The following OPCML variants were observed in gnomAD, a reference collection of about 807,000 sequenced individuals.
OPCML encodes opioid binding protein/cell adhesion molecule like.
A neutral mutation model predicts 37.8 loss-of-function variants in OPCML; 13 were observed. The observed-to-expected ratio is 0.34, with a 90% CI of 0.22 to 0.55. The LOEUF (loss-of-function observed/expected upper bound fraction) is 0.55, where lower values mean the gene tolerates loss of function less well. Ranked by LOEUF, OPCML falls within the 20% of genes least tolerant of loss-of-function variation. OPCML has a pLI of 0.91. For synonymous variants in OPCML, 176 were observed against 168.8 expected (o/e 1.04, Z -0.33); for missense variants, 341 against 435.6 (o/e 0.78, Z 1.93).
rs80196026 is a variant in OPCML, at chr11:133,413,674, T to A, written c.61+118590A>T. On this transcript the variant is annotated intron_variant, in intron 1 of 7. Coordinates refer to ENST00000524381, the MANE Select transcript of OPCML (RefSeq NM_001012393.5). The stretch of plus-strand genomic sequence containing the variant: ...AAACTGGGAAGTTTTAGCCTGCATG[T>A]CTTTCCCTCTCTTTGTCCTCCTTAA... 6.3e-3 allele frequency among the ~76,000 whole-genome samples: 954 copies of A among 152,276 alleles called. 6 individuals are homozygous for A. The highest frequency in any genetic ancestry group is 0.022 in the African/African-American group (919 of 41,564).
At chr11:132,658,559 T>A (rs1941814758) in intron 2 of OPCML, among the ~76,000 whole-genome samples, 1 of 152,172 alleles carries the variant, frequency 6.6e-6, no homozygotes, top group Admixed American at 6.5e-5. Context: ...GTCCTCTCCC[T>A]GGTTGGTAGG....
chr11:133,422,617 G>C, intron 1 of OPCML: 1 of 960,542 alleles, frequency 1.0e-6, no homozygotes, highest in Non-Finnish European at 1.2e-6. Context: ...GCAGCCTCCC[G>C]AGTAGTTGAG....
At chr11:133,062,298 C>G (rs998949396) in intron 1 of OPCML, among the ~76,000 whole-genome samples, 1 of 152,160 alleles carries the variant, frequency 6.6e-6, no homozygotes, top group African/African-American at 2.4e-5. Flanking sequence ...GAAAGGAAGT[C>G]CATGAATCCC....
At chr11:132,913,809 A>G (rs979054) in intron 2 of OPCML, among the ~76,000 whole-genome samples, 85,027 of 151,992 alleles carry the variant, frequency 0.56, 25,501 homozygotes, top group African/African-American at 0.78. Context: ...AAAAATCCAT[A>G]TCTGCTTTAG....
intron 1 of OPCML, among the ~76,000 whole-genome samples, chr11:133,159,152 G>A (rs1349561343): frequency 1.3e-5 from 2 of 152,194 alleles, no homozygotes; most frequent in African/African-American, 4.8e-5. Context: ...ATAAGATGCG[G>A]GGTTTTTAGA....
intron 1 of OPCML, among the ~76,000 whole-genome samples, chr11:133,213,462 A>G (rs1300848341): frequency 6.6e-6 from 1 of 152,226 alleles, no homozygotes; most frequent in Non-Finnish European, 1.5e-5. Context: ...CATTATTTCA[A>G]GTGTGACTGT....
At chr11:133,119,934 C>G (rs1949395662) in intron 1 of OPCML, among the ~76,000 whole-genome samples, 1 of 152,092 alleles carries the variant, frequency 6.6e-6, no homozygotes, top group South Asian at 2.1e-4. Flanking sequence ...GGGGCAGATG[C>G]AGGCTCTTCC....
chr11:132,958,241 T>G (rs1946011720), intron 1 of OPCML, among the ~76,000 whole-genome samples: 1 of 152,222 alleles, frequency 6.6e-6, no homozygotes, highest in South Asian at 2.1e-4. Flanking sequence ...GCCACAACAT[T>G]CTATTAAGCC....
At chr11:133,225,439 G>A (rs1940000433) in intron 1 of OPCML, among the ~76,000 whole-genome samples, 1 of 152,184 alleles carries the variant, frequency 6.6e-6, no homozygotes, top group Non-Finnish European at 1.5e-5. Context: ...CCTTCCAGCA[G>A]CTCGCTTCCC....
chr11:132,782,210 G>A (rs751534400), intron 2 of OPCML, among the ~76,000 whole-genome samples: 29 of 151,928 alleles, frequency 1.9e-4, no homozygotes, highest in Non-Finnish European at 3.1e-4. Flanking sequence ...GAGAGGAAGC[G>A]AACGCACCGA....
intron 1 of OPCML, among the ~76,000 whole-genome samples, chr11:133,138,049 G>A (rs566743935): frequency 2.5e-4 from 38 of 152,270 alleles, no homozygotes; most frequent in Admixed American, 2.0e-3. Context: ...AGTGGGGCCC[G>A]GTGGGAGGTG....
intron 1 of OPCML, among the ~76,000 whole-genome samples, chr11:133,388,249 T>G (rs2136802372): frequency 6.6e-6 from 1 of 152,240 alleles, no homozygotes; most frequent in Non-Finnish European, 1.5e-5. Flanking sequence ...AAGAGCTGGG[T>G]TTGGTAAGCA....
intron 7 of OPCML, among the ~76,000 whole-genome samples, chr11:132,429,896 C>A (rs550833537): frequency 1.3e-5 from 2 of 152,240 alleles, no homozygotes; most frequent in African/African-American, 4.8e-5. Context: ...CATAGGCTGA[C>A]CCCCGGGAAG....
intron 1 of OPCML, among the ~76,000 whole-genome samples, chr11:133,128,351 A>G (rs904148877): frequency 2.0e-5 from 3 of 152,186 alleles, no homozygotes; most frequent in African/African-American, 7.2e-5. Flanking sequence ...GAGCTGGCAA[A>G]TAGCTTTCTC....
At chr11:133,158,440 G>A (rs774117267) in intron 1 of OPCML, among the ~76,000 whole-genome samples, 28 of 152,066 alleles carry the variant, frequency 1.8e-4, no homozygotes, top group South Asian at 8.3e-4. Context: ...GGTGGCTCAC[G>A]CCTGTAATAC....
chr11:132,933,483 G>C (rs1945275482), intron 2 of OPCML, among the ~76,000 whole-genome samples: 2 of 152,120 alleles, frequency 1.3e-5, no homozygotes, highest in Admixed American at 1.3e-4. Flanking sequence ...TCTCAACTAG[G>C]GTTCAAATGC....
chr11:133,484,568 A>G (rs1209000037), intron 1 of OPCML, among the ~76,000 whole-genome samples: 1 of 152,196 alleles, frequency 6.6e-6, no homozygotes, highest in Non-Finnish European at 1.5e-5. Context: ...AACAGATAGT[A>G]AAAACCACAG....
intron 1 of OPCML, among the ~76,000 whole-genome samples, chr11:133,444,150 G>A (rs963732496): frequency 1.3e-5 from 2 of 152,016 alleles, no homozygotes; most frequent in Non-Finnish European, 1.5e-5. Flanking sequence ...AAGCAGCAGC[G>A]AGGAGTGGAA....
intron 2 of OPCML, among the ~76,000 whole-genome samples, chr11:132,661,072 A>G (rs1941955469): frequency 6.6e-6 from 1 of 152,142 alleles, no homozygotes; most frequent in Admixed American, 6.5e-5. Context: ...AAAAAGGGCA[A>G]TCCAAAACTA....
Sources: gnomAD v4.1 joint callset for allele counts (sites outside exome capture counted in the v4.1 genomes callset) on GRCh38, gnomAD v4.1.1 for gene constraint, MANE v1.5 for transcripts, NCBI Gene and HGNC (gene_info 2026-07-23, HGNC 2026-07-21) for gene names.